MTARC2: variants seen among roughly 807,000 people sequenced by gnomAD.
The protein encoded by MTARC2 is MOCO sulphurase C-terminal domain containing 2.
A neutral mutation model predicts 35.6 loss-of-function variants in MTARC2; 27 were observed. The ratio of observed to expected loss-of-function variants is 0.76; its 90% CI spans 0.56 to 1.04. The LOEUF (loss-of-function observed/expected upper bound fraction) is 1.04, where lower values mean the gene tolerates loss of function less well. Among genes scored for constraint, MTARC2 ranks in the 50% least tolerant of loss-of-function variants. The pLI, the probability that MTARC2 is intolerant of heterozygous loss-of-function variation, is 0.00. For synonymous variants in MTARC2, 158 were observed against 167.1 expected, an observed-to-expected ratio of 0.95 and a Z score of 0.42; for missense variants, 412 against 432.5, an observed-to-expected ratio of 0.95 and a Z score of 0.42.
At chr1:220,755,899 C>T (rs1671264705) in intron 2 of MTARC2, among the ~76,000 whole-genome samples, 1 of 152,184 alleles carries the variant, frequency 6.6e-6, no homozygotes, top group Admixed American at 6.5e-5. Flanking sequence ...TCCTTTCATT[C>T]AAATCTTCAT....
chr1:220,777,695 G>T (rs1558075616), intron 4 of MTARC2, among the ~76,000 whole-genome samples: 2 of 152,144 alleles, frequency 1.3e-5, no homozygotes, highest in East Asian at 3.9e-4. Context: ...AAATCAGTAG[G>T]TAGCAGCAGA....
chr1:220,777,486 T>TA (rs979917937), intron 4 of MTARC2, among the ~76,000 whole-genome samples: 1 of 152,190 alleles, frequency 6.6e-6, no homozygotes, highest in African/African-American at 2.4e-5. Flanking sequence ...TCAGACCTCT[T>TA]ATGCCTCCTG....
intron 4 of MTARC2, among the ~76,000 whole-genome samples, chr1:220,776,036 T>C (rs1421957553): frequency 6.6e-6 from 1 of 152,254 alleles, no homozygotes; most frequent in Non-Finnish European, 1.5e-5. Flanking sequence ...CCTTTGGGTA[T>C]ATACCCAGTA....
chr1:220,774,223 C>T (rs1278171587), intron 4 of MTARC2, among the ~76,000 whole-genome samples: 2 of 152,102 alleles, frequency 1.3e-5, no homozygotes, highest in Admixed American at 1.3e-4. Context: ...CACACCACCA[C>T]ACCTGGCTAA....
intron 2 of MTARC2, among the ~76,000 whole-genome samples, chr1:220,757,054 C>T (rs747405031): frequency 1.2e-4 from 18 of 152,346 alleles, no homozygotes; most frequent in Admixed American, 2.0e-4. Context: ...AGGCATGTGC[C>T]ATGACGCCCA....
At chr1:220,761,588 C>G in intron 2 of MTARC2, 70 bp from the exon 3 acceptor site, 1 of 1,465,792 alleles carries the variant, frequency 6.8e-7, no homozygotes, top group Non-Finnish European at 9.2e-7. Flanking sequence ...TCCAGCTGTT[C>G]ATTTTTGACA....
intron 4 of MTARC2, among the ~76,000 whole-genome samples, chr1:220,764,573 G>A (rs1409095915): frequency 6.6e-6 from 1 of 152,106 alleles, no homozygotes; most frequent in African/African-American, 2.4e-5. Flanking sequence ...GATTGCTTGA[G>A]CTTAGGAGTT....
At chr1:220,764,150 G>C (rs1671514593) in intron 4 of MTARC2, among the ~76,000 whole-genome samples, 1 of 151,662 alleles carries the variant, frequency 6.6e-6, no homozygotes, top group Non-Finnish European at 1.5e-5. Context: ...CTGGAGTGCA[G>C]TGGCACGATC....
At chr1:220,750,304 A>T (rs894449149) in intron 1 of MTARC2, among the ~76,000 whole-genome samples, 11 of 152,232 alleles carry the variant, frequency 7.2e-5, no homozygotes, top group Non-Finnish European at 1.6e-4. Context: ...AATTCTCACG[A>T]TGCATGTCCA....
rs531497527 is a variant in MTARC2, at chr1:220,761,563, G to T, written c.447-95G>T. The T allele has an allele frequency of 3.2e-5, 40 of 1,259,972 alleles. 1 individual carries two copies. The African/African-American group carries it at 3.3e-4, about 10-fold the overall frequency. 78.0% of individuals were successfully genotyped at this position (1,259,972 alleles called of 1,614,324 possible). On this transcript the variant is annotated intron_variant, in intron 2 of 7. Transcript: ENST00000366913. ...GACCACTTAACAGCCCTCTGGGATGGTCAGGTCCCAACAGTCCAGCTGTTC... is the reference window on the plus strand; with the variant it reads ...GACCACTTAACAGCCCTCTGGGATGTTCAGGTCCCAACAGTCCAGCTGTTC...
intron 1 of MTARC2, 55 bp from the exon 2 acceptor site, chr1:220,754,892 C>T: frequency 1.4e-6 from 2 of 1,471,482 alleles, no homozygotes; most frequent in Non-Finnish European, 1.8e-6. Context: ...TGGAGGGAAG[C>T]TGTTGGGAGG....
chr1:220,760,299 A>C (rs1267504622), intron 2 of MTARC2, among the ~76,000 whole-genome samples: 1 of 152,148 alleles, frequency 6.6e-6, no homozygotes, highest in African/African-American at 2.4e-5. Flanking sequence ...AGTGGTTCCA[A>C]CTCTTTGTCT....
chr1:220,748,772 A>G lies in MTARC2; in HGVS notation c.241A>G (p.Met81Val), dbSNP rs375692465. ...VPVSEAECTA[M>V]GLRSGNLRDR... ...GGTGAGCGAGGCTGAGTGCACGGCC[A>G]TGGGGCTGCGCAGCGGCAACCTGCG... Residue 81 changes from methionine (M) to valine (V), a missense_variant, in exon 1 of 8, where the codon ATG becomes GTG. Physicochemically the swap from Met to Val is conservative, Grantham distance 21 (BLOSUM62 1). Transcript: ENST00000366913. The G allele has an allele frequency of 8.4e-5, 135 of 1,598,442 alleles. No homozygotes were observed. Among genetic ancestry groups the G allele is most frequent in the Admixed American group, 3.4e-5 (2 of 58,614 alleles).
At position 220,762,915 on chromosome 1, in the gene MTARC2, C is replaced by G. The variant is rs760255555; in HGVS notation, c.615C>G (p.Ala205=). The part of the protein sequence containing the change: ...LPTLDQNFQV[A]YPDYCPLLIM... ...TATCCTGTGTTCTTGGCAAGGTGGC[C>G]TACCCAGACTACTGCCCGCTCCTGA... The change falls in exon 4 of 8, where the codon GCC becomes GCG. Residue 205 remains alanine, a synonymous_variant. Coordinates refer to ENST00000366913, the MANE Select transcript of MTARC2 (RefSeq NM_017898.5). 1 of 1,614,122 alleles carries G rather than the reference C, an allele frequency of 6.2e-7. No individual in the cohort carries two copies. Among genetic ancestry groups the G allele is most frequent in the East Asian group, 2.2e-5 (1 of 44,882 alleles).
At chr1:220,776,949 CCTTA>C (rs948362457) in intron 4 of MTARC2, among the ~76,000 whole-genome samples, 4 of 152,170 alleles carry the variant, frequency 2.6e-5, no homozygotes, top group African/African-American at 9.7e-5. Context: ...ACCCATTGAT[CCTTA>C]CTTCCCAGTA....
At chr1:220,764,626 A>G (rs143113608) in intron 4 of MTARC2, among the ~76,000 whole-genome samples, 1 of 152,078 alleles carries the variant, frequency 6.6e-6, no homozygotes, top group Non-Finnish European at 1.5e-5. Context: ...ATCTCTACTA[A>G]AAGAATATAA....
chr1:220,748,837 G>T (rs1203742787), intron 1 of MTARC2, 34 bp downstream of exon 1: 1 of 1,532,346 alleles, frequency 6.5e-7, no homozygotes, highest in Admixed American at 2.0e-5. Flanking sequence ...GCAGCGCGGA[G>T]CCTGCCTGGG....
intron 4 of MTARC2, among the ~76,000 whole-genome samples, chr1:220,768,609 A>G (rs542187290): frequency 6.6e-6 from 1 of 152,226 alleles, no homozygotes; most frequent in African/African-American, 2.4e-5. Flanking sequence ...GCAAACCTGT[A>G]TAGGGCCCCA....
chr1:220,767,687 T>A (rs1332822194), intron 4 of MTARC2, among the ~76,000 whole-genome samples: 2 of 152,226 alleles, frequency 1.3e-5, no homozygotes, highest in African/African-American at 4.8e-5. Context: ...TTTGTATCAG[T>A]CCTCACTCCA....
Sources: allele counts gnomAD v4.1 joint callset (sites outside exome capture counted in the v4.1 genomes callset), GRCh38; gene constraint gnomAD v4.1.1; transcripts MANE v1.5; gene names NCBI Gene and HGNC (gene_info 2026-07-23, HGNC 2026-07-21).